ADAMTS9: variants seen among roughly 807,000 people sequenced by gnomAD.
The protein encoded by ADAMTS9 is ADAM metallopeptidase with thrombospondin type 1 motif 9, also known as A disintegrin and metalloproteinase with thrombospondin motifs 9.
In ADAMTS9, 107 loss-of-function variants were observed where a neutral mutation model predicts 257.1. That is an observed-to-expected ratio of 0.42 (90% CI 0.36 to 0.49). The LOEUF is 0.49. Among genes scored for constraint, ADAMTS9 ranks in the 20% least tolerant of loss-of-function variants. The pLI is 0.03. For missense variants in ADAMTS9, 2,353 were observed against 2,469.1 expected, an observed-to-expected ratio of 0.95 and a Z score of 1.00; for synonymous variants, 982 against 880.9, an observed-to-expected ratio of 1.11 and a Z score of -2.03.
intron 26 of ADAMTS9, among the ~76,000 whole-genome samples, chr3:64,600,051 C>CTTTTTT (rs35753372): frequency 6.8e-4 from 71 of 104,138 alleles, no homozygotes; most frequent in African/African-American, 1.2e-3. Context: ...AGTTTCTGTT[C>CTTTTTT]TTTTTTTTTT....
intron 3 of ADAMTS9, 145 bp downstream of exon 3, chr3:64,681,056 A>G (rs1701741914): frequency 5.7e-6 from 5 of 883,502 alleles, no homozygotes; most frequent in African/African-American, 1.7e-5. Context: ...ACAGTGGGGT[A>G]TGTATCCCTA....
chr3:64,675,938 T>C (rs1034588484), intron 3 of ADAMTS9, among the ~76,000 whole-genome samples: 2 of 152,330 alleles, frequency 1.3e-5, no homozygotes, highest in South Asian at 2.1e-4. Context: ...TATCATCTTA[T>C]GTTTTCCAGC....
At chr3:64,636,309 T>C (rs556683730) in intron 12 of ADAMTS9, among the ~76,000 whole-genome samples, 11 of 152,184 alleles carry the variant, frequency 7.2e-5, no homozygotes, top group Admixed American at 6.5e-5. Flanking sequence ...ATACTGTATG[T>C]GAGAGGCAAT....
intron 30 of ADAMTS9, among the ~76,000 whole-genome samples, chr3:64,556,048 A>G (rs2083328706): frequency 6.6e-6 from 1 of 152,200 alleles, no homozygotes; most frequent in East Asian, 1.9e-4. Flanking sequence ...AATCTTTTAA[A>G]TCAACTGACC....
intron 11 of ADAMTS9, among the ~76,000 whole-genome samples, chr3:64,646,664 A>G (rs1700796591): frequency 6.6e-6 from 1 of 152,238 alleles, no homozygotes; most frequent in African/African-American, 2.4e-5. Context: ...TATCTTCATT[A>G]TAAGTTTTTA....
chr3:64,606,946 C>T lies in ADAMTS9; in HGVS notation c.3474+14G>A, dbSNP rs116529187. On this transcript the variant is annotated intron_variant, in intron 23 of 39. Transcript: ENST00000498707. ...CCCCAAAGTCAATAACTGAGTTGGA[C>T]AAAGGAAACTTACCTGGGTATCAGT... The T allele has an allele frequency of 3.7e-3, 5,966 of 1,613,076 alleles. 17 individuals carry two copies. The highest frequency in any genetic ancestry group is 0.021 in the Middle Eastern group (125 of 6,048).
intron 28 of ADAMTS9, among the ~76,000 whole-genome samples, chr3:64,579,735 A>G (rs1316679080): frequency 2.0e-5 from 3 of 152,236 alleles, no homozygotes; most frequent in Non-Finnish European, 2.9e-5. Flanking sequence ...ATAAAGATTA[A>G]GTAAACATTC....
rs368784331 is a variant in ADAMTS9, at chr3:64,516,659, C to G, written c.*468G>C. Reference sequence around the variant, plus strand: ...AACATACTTATTGGCTGATACTTGCCTAGAAATGCCAAAAATATCTTTTAT... The same window carrying G: ...AACATACTTATTGGCTGATACTTGCGTAGAAATGCCAAAAATATCTTTTAT... On this transcript the variant is annotated 3_prime_UTR_variant, in exon 40 of 40. Transcript: ENST00000498707. 2 of 152,546 alleles carry G rather than the reference C, an allele frequency of 1.3e-5. No individual in the cohort carries two copies. The highest frequency in any genetic ancestry group is 2.4e-5 in the African/African-American group (1 of 41,406). 9.4% of individuals were successfully genotyped at this position (152,546 alleles called of 1,614,324 possible). A position where few individuals can be genotyped will look rare whatever the true frequency, so the allele number is the denominator to read the frequency against.
At chr3:64,640,339 A>T (rs1700606621) in intron 12 of ADAMTS9, among the ~76,000 whole-genome samples, 2 of 152,192 alleles carry the variant, frequency 1.3e-5, no homozygotes, top group African/African-American at 4.8e-5. Context: ...CACAATTCAG[A>T]TTTTTCATAG....
At chr3:64,621,074 A>AG in intron 19 of ADAMTS9, 40 bp downstream of exon 19, 1 of 1,574,204 alleles carries the variant, frequency 6.4e-7, no homozygotes, top group Non-Finnish European at 8.6e-7. Flanking sequence ...CAAGACTCTC[A>AG]CAATTCAGTA....
chr3:64,530,250 C>T (rs1048982190), intron 38 of ADAMTS9, among the ~76,000 whole-genome samples: 1 of 151,924 alleles, frequency 6.6e-6, no homozygotes, highest in African/African-American at 2.4e-5. Context: ...AGTCCCACCT[C>T]ACATGCTAAT....
At chr3:64,638,283 G>C (rs1700550614) in intron 12 of ADAMTS9, among the ~76,000 whole-genome samples, 1 of 152,186 alleles carries the variant, frequency 6.6e-6, no homozygotes, top group African/African-American at 2.4e-5. Flanking sequence ...TCAGCCACAA[G>C]GAAGCTCTGA....
chr3:64,643,037 C>A (rs1700694180), intron 11 of ADAMTS9, among the ~76,000 whole-genome samples: 1 of 152,194 alleles, frequency 6.6e-6, no homozygotes, highest in Non-Finnish European at 1.5e-5. Flanking sequence ...GGCCTCCTCC[C>A]TTGTAATTAT....
chr3:64,603,969 A>G lies in ADAMTS9; in HGVS notation c.3700T>C (p.Cys1234Arg). The G allele has an allele frequency of 6.2e-7, 1 of 1,613,886 alleles. No individual in the cohort carries two copies. Among genetic ancestry groups the G allele is most frequent in the Non-Finnish European group, 8.5e-7 (1 of 1,179,954 alleles). ...TLPRPVAKEE[C>R]SVTPCGQWKA... ...CATTGCCCACAGGGTGTCACAGAACATTCTTCCTTTGCCACTGGTCTAGGC... is the reference window on the plus strand; with the variant it reads ...CATTGCCCACAGGGTGTCACAGAACGTTCTTCCTTTGCCACTGGTCTAGGC... Residue 1234 changes from cysteine (C) to arginine (R), a missense_variant, in exon 25 of 40, where the codon TGT (cysteine) becomes CGT (arginine). By Grantham distance (180) the Cys-to-Arg change is radical (BLOSUM62 -3). This residue lies in a region of ADAMTS9 where 1,402 missense variants were observed against 1,441.4 expected (regional missense o/e 0.97). Coordinates refer to ENST00000498707, the MANE Select transcript of ADAMTS9 (RefSeq NM_182920.2).
At chr3:64,551,866 CT>C (rs1190621056) in intron 30 of ADAMTS9, among the ~76,000 whole-genome samples, 1 of 152,214 alleles carries the variant, frequency 6.6e-6, no homozygotes, top group Non-Finnish European at 1.5e-5. Context: ...AAGTAATCTC[CT>C]TCAGCTATTT....
At chr3:64,633,447 G>A (rs1700417655) in intron 14 of ADAMTS9, 25 bp downstream of exon 14, 1 of 1,612,886 alleles carries the variant, frequency 6.2e-7, no homozygotes, top group Non-Finnish European at 8.5e-7. Context: ...AAAACACAGT[G>A]AAGAAAACAC....
chr3:64,678,245 AGATTGTTG>A (rs1701671050), intron 3 of ADAMTS9, among the ~76,000 whole-genome samples: 2 of 152,220 alleles, frequency 1.3e-5, no homozygotes, highest in African/African-American at 4.8e-5. Context: ...GCACAGAATT[AGATTGTTG>A]GCCTAGACAA....
intron 22 of ADAMTS9, among the ~76,000 whole-genome samples, chr3:64,608,986 A>G (rs2084616360): frequency 6.6e-6 from 1 of 152,096 alleles, no homozygotes; most frequent in South Asian, 2.1e-4. Context: ...AAATCAATCA[A>G]TGCAATACAT....
chr3:64,640,878 G>T (rs564286205), intron 12 of ADAMTS9, among the ~76,000 whole-genome samples: 67 of 151,244 alleles, frequency 4.4e-4, no homozygotes, highest in African/African-American at 1.6e-3. Context: ...TGGGAAAAAA[G>T]TCCATGGACT....
Sources: gnomAD v4.1 joint callset for allele counts (sites outside exome capture counted in the v4.1 genomes callset) on GRCh38, gnomAD v4.1.1 for gene constraint, gnomAD v4.1.1 regional missense constraint, MANE v1.5 for transcripts, NCBI Gene and HGNC (gene_info 2026-07-23, HGNC 2026-07-21) for gene names.